The following RERE variants were observed in gnomAD, a reference collection of about 807,000 sequenced individuals.
The protein encoded by RERE is arginine-glutamic acid dipeptide repeats, also known as arginine-glutamic acid dipeptide repeats protein.
RERE carries 40 observed loss-of-function variants against 146.1 expected under a neutral mutation model. The ratio of observed to expected loss-of-function variants is 0.27; its 90% CI spans 0.21 to 0.36. RERE has a LOEUF of 0.36. Ranked by LOEUF, RERE falls within the 10% of genes least tolerant of loss-of-function variation. RERE has a pLI of 1.00. For synonymous variants in RERE, 1,003 were observed against 866.0 expected (o/e 1.16, Z -2.78); for missense variants, 1,933 against 2,138.7 (o/e 0.90, Z 1.90).
intron 12 of RERE, among the ~76,000 whole-genome samples, chr1:8,380,130 C>A (rs1201238725): frequency 6.6e-6 from 1 of 152,050 alleles, no homozygotes; most frequent in African/African-American, 2.4e-5. Context: ...CCCACCCATG[C>A]ATGTTTATGC....
intron 1 of RERE, chr1:8,786,297 A>G: frequency 1.1e-6 from 1 of 931,776 alleles, no homozygotes; most frequent in Non-Finnish European, 1.7e-6. Context: ...TATCTTGTGG[A>G]GAAAATAATT....
At chr1:8,675,962 G>C (rs996647972) in intron 1 of RERE, among the ~76,000 whole-genome samples, 1 of 152,074 alleles carries the variant, frequency 6.6e-6, no homozygotes, top group African/African-American at 2.4e-5. Flanking sequence ...AAAAAGTTTT[G>C]AATTTTGAAG....
intron 12 of RERE, among the ~76,000 whole-genome samples, chr1:8,370,767 A>T (rs1642006887): frequency 6.6e-6 from 1 of 152,222 alleles, no homozygotes; most frequent in African/African-American, 2.4e-5. Flanking sequence ...CTTTAATCAA[A>T]CATGCATAGT....
chr1:8,462,415 AG>A (rs1317046200), intron 11 of RERE, among the ~76,000 whole-genome samples: 1 of 152,236 alleles, frequency 6.6e-6, no homozygotes. Flanking sequence ...TGACGCGCAG[AG>A]GGGAGACAGT....
chr1:8,358,597 T>G lies in RERE; in HGVS notation c.3938A>C (p.Glu1313Ala). ...CTCCCGCAGCTCCCGCTCTCGGATC[T>G]CCCGCTCTCGGATCTCCCGCTCCCG... Reference protein sequence around the residue: ...ELREREIREREIRERELRERM... With the variant: ...ELREREIRERAIRERELRERM... Residue 1313 changes from glutamate (E) to alanine (A), a missense_variant, in exon 20 of 23, where the codon GAG becomes GCG. Physicochemically the swap from Glu to Ala is moderately radical, Grantham distance 107. Transcript: ENST00000400908. 6.2e-7 allele frequency: 1 copy of G among 1,600,654 alleles called. No individual in the cohort carries two copies. The highest frequency in any genetic ancestry group is 8.5e-7 in the Non-Finnish European group (1 of 1,173,882).
chr1:8,625,427 AG>A (rs1379145926), intron 2 of RERE, among the ~76,000 whole-genome samples: 1 of 152,240 alleles, frequency 6.6e-6, no homozygotes, highest in Non-Finnish European at 1.5e-5. Flanking sequence ...TGAAAAGTAA[AG>A]GCACAGTCAA....
chr1:8,606,697 A>C (rs565019529), intron 4 of RERE, among the ~76,000 whole-genome samples: 1 of 152,176 alleles, frequency 6.6e-6, no homozygotes, highest in South Asian at 2.1e-4. Context: ...GTCCTTTAAC[A>C]CAGCATGTTT....
intron 1 of RERE, among the ~76,000 whole-genome samples, chr1:8,713,839 T>C (rs1639714125): frequency 6.6e-6 from 1 of 152,182 alleles, no homozygotes; most frequent in Non-Finnish European, 1.5e-5. Context: ...ATTTCAAAAA[T>C]TACAATTTTC....
At position 8,764,620 on chromosome 1, in the gene RERE, C is replaced by T. The variant is rs1640815087; in HGVS notation, c.-145+52540G>A. Among the ~76,000 whole-genome samples, 3 of 152,090 alleles carry T rather than the reference C, an allele frequency of 2.0e-5. No individual in the cohort carries two copies. The South Asian group carries it at 6.2e-4, about 32-fold the overall frequency. ...GAAGAAAATTACCTGTAAACTGAAG[C>T]AAGCAAGAGGTGACCAGGCTAAGAA... is the stretch of plus-strand genomic sequence containing the variant. On this transcript the variant is annotated intron_variant, in intron 1 of 22. Transcript: ENST00000400908.
chr1:8,412,501 G>A (rs892171846), intron 12 of RERE, among the ~76,000 whole-genome samples: 1 of 152,188 alleles, frequency 6.6e-6, no homozygotes, highest in African/African-American at 2.4e-5. Flanking sequence ...GTACACACAT[G>A]TATGTGGGAC....
intron 7 of RERE, among the ~76,000 whole-genome samples, chr1:8,524,427 G>C (rs142343983): frequency 6.6e-6 from 1 of 152,248 alleles, no homozygotes; most frequent in African/African-American, 2.4e-5. Flanking sequence ...GGCCTCCCTG[G>C]AAAGAGTTGA....
At chr1:8,630,874 G>A (rs1381928) in intron 2 of RERE, among the ~76,000 whole-genome samples, 97,153 of 152,064 alleles carry the variant, frequency 0.64, 31,533 homozygotes, top group East Asian at 0.83. Context: ...ATCATCTTAA[G>A]GATTCTAAAC....
Position 8,423,860 on chromosome 1 carries a change from C to T in RERE, c.1204-1053G>A, listed in dbSNP as rs1367640711. On this transcript the variant is annotated intron_variant, in intron 11 of 22. Coordinates refer to ENST00000400908, the MANE Select transcript of RERE (RefSeq NM_001042681.2). This position sits in a 1 kb window ranked among gnomAD's most constrained non-coding sequence, Gnocchi z 5.4. ...CCTGGATTGCCGCCGCCCTCCTGTC[C>T]GCCAGCCGGGGCCCCGCGCCCCGGC... Among the ~76,000 whole-genome samples, 2 of 149,444 alleles carry T rather than the reference C, an allele frequency of 1.3e-5. No individual in the cohort carries two copies. The highest frequency in any genetic ancestry group is 2.1e-4 in the South Asian group (1 of 4,834).
At chr1:8,751,173 C>A in intron 1 of RERE, 1 of 263,006 alleles carries the variant, frequency 3.8e-6, no homozygotes, top group South Asian at 6.2e-5. Flanking sequence ...TGTTCTGTTG[C>A]CCATCATGAC....
chr1:8,747,880 T>C (rs1363983415), intron 1 of RERE, among the ~76,000 whole-genome samples: 1 of 152,064 alleles, frequency 6.6e-6, no homozygotes, highest in Non-Finnish European at 1.5e-5. Flanking sequence ...GTTCAAGTAA[T>C]TCTCCTGCCT....
intron 11 of RERE, among the ~76,000 whole-genome samples, chr1:8,439,621 G>C (rs1002344742): frequency 6.6e-6 from 1 of 152,212 alleles, no homozygotes; most frequent in African/African-American, 2.4e-5. Flanking sequence ...TGGAAAGGAG[G>C]AGCAAGAAAG....
chr1:8,358,301 C>A lies in RERE; in HGVS notation c.4234G>T (p.Asp1412Tyr). ...AACATCTGCAGTCGGGCCAGGGGATCGCTGGTCAGCGATGCCATGCGCTCT... is the reference window on the plus strand; with the variant it reads ...AACATCTGCAGTCGGGCCAGGGGATAGCTGGTCAGCGATGCCATGCGCTCT... ...HAERMASLTS[D>Y]PLARLQMFNV... The change falls in exon 20 of 23, where the codon GAT (aspartate) becomes TAT (tyrosine). Residue 1412 changes from aspartate (D) to tyrosine (Y), a missense_variant. By Grantham distance (160) the Asp-to-Tyr change is radical. This residue lies in a region of RERE where 47 missense variants were observed against 58.6 expected (regional missense o/e 0.80). Coordinates refer to ENST00000400908, the MANE Select transcript of RERE (RefSeq NM_001042681.2). 1 of 1,613,548 alleles carries A rather than the reference C, an allele frequency of 6.2e-7. No homozygotes were observed.
At chr1:8,646,190 G>GT (rs1647299242) in intron 2 of RERE, among the ~76,000 whole-genome samples, 1 of 151,948 alleles carries the variant, frequency 6.6e-6, no homozygotes, top group Non-Finnish European at 1.5e-5. Context: ...CCCAAAATTC[G>GT]TATGTTGAAG....
intron 4 of RERE, among the ~76,000 whole-genome samples, chr1:8,571,739 T>C (rs1646223958): frequency 6.6e-6 from 1 of 152,206 alleles, no homozygotes. Flanking sequence ...CATGCCCTGA[T>C]AGCTTATCTT....
Sources: allele counts gnomAD v4.1 joint callset (sites outside exome capture counted in the v4.1 genomes callset), GRCh38; gene constraint gnomAD v4.1.1; regional missense constraint gnomAD v4.1.1; non-coding constraint Gnocchi (gnomAD v3.1); transcripts MANE v1.5; gene names NCBI Gene and HGNC (gene_info 2026-07-23, HGNC 2026-07-21).